Variants in OR7C1 observed in about 807,000 individuals in gnomAD.
OR7C1 encodes the protein olfactory receptor family 7 subfamily C member 1, also known as olfactory receptor 7C1.
For synonymous variants in OR7C1, 152 were observed against 160.7 expected (o/e 0.95, Z 0.41); for missense variants, 324 against 383.3 (o/e 0.85, Z 1.29).
intron 1 of OR7C1, chr19:14,825,486 G>A (rs1383969915): frequency 6.6e-6 from 1 of 152,210 alleles, no homozygotes; most frequent in Non-Finnish European, 1.5e-5. Context: ...GATGGACTCA[G>A]GATCTTTTCA....
At position 14,828,122 on chromosome 19, in the gene OR7C1, G is replaced by A. The variant is rs145962695; in HGVS notation, c.-623+6952C>T. ...TGGCCAGGATGATGAGCAGGTTCCCGAGCACAGTGACCAGGTACATGGACA... is the reference window on the plus strand; with the variant it reads ...TGGCCAGGATGATGAGCAGGTTCCCAAGCACAGTGACCAGGTACATGGACA... On this transcript the variant is annotated intron_variant, in intron 1 of 4. Coordinates refer to ENST00000641666, the Ensembl canonical transcript of OR7C1. 34 of 1,614,128 alleles carry A rather than the reference G, an allele frequency of 2.1e-5. No individual in the cohort carries two copies. In the African/African-American group the frequency reaches 2.3e-4, roughly 11 times the overall value.
chr19:14,798,958 TAGAAA>T (rs1200243421), exon 5 of OR7C1: 3 of 482,648 alleles, frequency 6.2e-6, no homozygotes, highest in African/African-American at 4.0e-5. Context: ...TGTTCTTTGT[TAGAAA>T]AGAAATGATT....
intron 1 of OR7C1, among the ~76,000 whole-genome samples, chr19:14,813,337 A>G (rs1599917210): frequency 6.6e-6 from 1 of 152,064 alleles, no homozygotes; most frequent in South Asian, 2.1e-4. Flanking sequence ...GGCGGATCAC[A>G]AGGTCAGGAG....
chr19:14,817,887 A>G (rs1263373434), intron 1 of OR7C1, among the ~76,000 whole-genome samples: 1 of 151,778 alleles, frequency 6.6e-6, no homozygotes, highest in Non-Finnish European at 1.5e-5. Flanking sequence ...GGTAAGAGAG[A>G]AAAAAAACTG....
At chr19:14,808,041 A>C (rs1293534092) in intron 2 of OR7C1, among the ~76,000 whole-genome samples, 4 of 151,802 alleles carry the variant, frequency 2.6e-5, no homozygotes, top group Non-Finnish European at 5.9e-5. Flanking sequence ...GATAAATGCA[A>C]ATTAAAACCA....
At chr19:14,822,793 G>A (rs998899936) in intron 1 of OR7C1, among the ~76,000 whole-genome samples, 4 of 151,210 alleles carry the variant, frequency 2.6e-5, no homozygotes, top group Admixed American at 2.0e-4. Context: ...TCATGTACCT[G>A]TTGGCCAGCT....
At chr19:14,799,232 C>T (rs528985130) in exon 5 of OR7C1, 2 of 1,614,122 alleles carry the variant, frequency 1.2e-6, no homozygotes, top group Admixed American at 1.7e-5. Context: ...GAGGAGTCTC[C>T]CCAGGGCCCT....
chr19:14,808,746 C>T lies in OR7C1; in HGVS notation c.-435+1060G>A, dbSNP rs1033528505. Among the ~76,000 whole-genome samples, 5 of 152,090 alleles carry T rather than the reference C, an allele frequency of 3.3e-5. No homozygotes were observed. In the South Asian group the frequency reaches 6.2e-4, roughly 19 times the overall value. On this transcript the variant is annotated intron_variant, in intron 2 of 4. Coordinates refer to ENST00000641666, the Ensembl canonical transcript of OR7C1. ...ATGCAATGTATCTATGTAACACAAACGTACTTGCATTCATTACATCTGTAA... is the reference window on the plus strand; with the variant it reads ...ATGCAATGTATCTATGTAACACAAATGTACTTGCATTCATTACATCTGTAA...
rs764544281 is a variant in OR7C1 at position 14,802,906 on chromosome 19, GAA to G, written c.-434-2144_-434-2143del. 5.0e-4 allele frequency among the ~76,000 whole-genome samples: 76 copies of G among 152,324 alleles called. 1 individual carries two copies. Among genetic ancestry groups the G allele is most frequent in the Admixed American group, 9.8e-4 (15 of 15,298 alleles). On this transcript the variant is annotated intron_variant, in intron 2 of 4. Transcript: ENST00000641666. ...AGAAGCAGAGGTTTAATAGGCAAAA[GAA>G]AGAGAAAGGAGAACGTGCCTGAGTG...
intron 1 of OR7C1, among the ~76,000 whole-genome samples, chr19:14,813,960 A>G (rs996858116): frequency 1.3e-5 from 2 of 152,134 alleles, no homozygotes; most frequent in Non-Finnish European, 2.9e-5. Context: ...CCATTGGGAA[A>G]ACTTGATATC....
intron 1 of OR7C1, among the ~76,000 whole-genome samples, chr19:14,821,657 T>C (rs750769429): frequency 6.6e-6 from 1 of 152,232 alleles, no homozygotes; most frequent in Non-Finnish European, 1.5e-5. Flanking sequence ...TGAAACTAGT[T>C]TGTAGGTACC....
chr19:14,821,803 C>T (rs1599921069), intron 1 of OR7C1, among the ~76,000 whole-genome samples: 1 of 152,242 alleles, frequency 6.6e-6, no homozygotes, highest in African/African-American at 2.4e-5. Flanking sequence ...CTAGTGTGTC[C>T]TCCACACCTG....
chr19:14,809,489 T>C (rs1393297106), intron 2 of OR7C1, among the ~76,000 whole-genome samples: 1 of 148,402 alleles, frequency 6.7e-6, no homozygotes, highest in African/African-American at 2.5e-5. Flanking sequence ...GAAACAGAGA[T>C]TGAAAGCAAG....
intron 1 of OR7C1, among the ~76,000 whole-genome samples, chr19:14,829,911 G>A (rs1353777211): frequency 1.3e-5 from 2 of 152,170 alleles, no homozygotes; most frequent in African/African-American, 4.8e-5. Context: ...GGCCCAGGCA[G>A]GAGTGCAGTG....
At chr19:14,818,210 A>G (rs2044725375) in intron 1 of OR7C1, among the ~76,000 whole-genome samples, 1 of 151,836 alleles carries the variant, frequency 6.6e-6, no homozygotes. Flanking sequence ...CTCTTGCCTC[A>G]GCCTCCCGAG....
At chr19:14,831,501 A>G (rs866283668) in intron 1 of OR7C1, among the ~76,000 whole-genome samples, 27 of 151,670 alleles carry the variant, frequency 1.8e-4, no homozygotes, top group Middle Eastern at 6.8e-3. Flanking sequence ...TTGGAGTGCA[A>G]TGGTGCAATA....
intron 1 of OR7C1, among the ~76,000 whole-genome samples, chr19:14,832,981 C>A (rs1178513080): frequency 6.6e-6 from 1 of 152,176 alleles, no homozygotes; most frequent in Non-Finnish European, 1.5e-5. Flanking sequence ...TTGCACAGAG[C>A]AGATGCTCAG....
intron 1 of OR7C1, among the ~76,000 whole-genome samples, chr19:14,833,619 CT>C (rs2044855537): frequency 6.6e-6 from 1 of 152,112 alleles, no homozygotes; most frequent in African/African-American, 2.4e-5. Context: ...ATATTTTAAA[CT>C]TTTTATGGCT....
In OR7C1 at chr19:14,799,846, A is replaced by G. The variant is rs755293358; in HGVS notation, c.291T>C (p.Cys97=). 1.1e-5 allele frequency: 17 copies of G among 1,612,812 alleles called. No homozygotes were observed. In the South Asian group the frequency reaches 1.6e-4, roughly 16 times the overall value. ...AAGTGAAAAAAAAAATCTGACTGAG[A>G]CAGCCTGCATATGTTATGAATTTGT... is the stretch of plus-strand genomic sequence containing the variant. The change falls in exon 5 of 5, where the codon TGT becomes TGC. Residue 97 remains cysteine, a synonymous_variant. Transcript: ENST00000641666.
Sources: allele counts gnomAD v4.1 joint callset (sites outside exome capture counted in the v4.1 genomes callset), GRCh38; gene constraint gnomAD v4.1.1; transcripts MANE v1.5; gene names NCBI Gene and HGNC (gene_info 2026-07-23, HGNC 2026-07-21).